MTOR: variants seen among roughly 807,000 people sequenced by gnomAD.
MTOR encodes mechanistic target of rapamycin kinase, also known as serine/threonine-protein kinase mTOR.
In MTOR, 70 loss-of-function variants were observed where a neutral mutation model predicts 319.8. The ratio of observed to expected loss-of-function variants is 0.22; its 90% CI spans 0.18 to 0.27. MTOR has a LOEUF of 0.27. MTOR is among the 10% of genes least tolerant of loss of function. The probability of loss-of-function intolerance (pLI) is 1.00; values close to 1 mark genes in which losing one functional copy is unlikely to be tolerated. For synonymous variants in MTOR, 1,183 were observed against 1,211.4 expected (o/e 0.98, Z 0.49); for missense variants, 1,890 against 3,274.4 (o/e 0.58, Z 10.32).
intron 32 of MTOR, among the ~76,000 whole-genome samples, chr1:11,145,530 G>A (rs1272638863): frequency 1.3e-5 from 2 of 151,708 alleles, no homozygotes; most frequent in Non-Finnish European, 2.9e-5. Flanking sequence ...GGTTACAGGC[G>A]CCCGCCACCA....
At chr1:11,134,864 T>G (rs1643329587) in intron 36 of MTOR, among the ~76,000 whole-genome samples, 1 of 152,224 alleles carries the variant, frequency 6.6e-6, no homozygotes, top group South Asian at 2.1e-4. Context: ...ACTTTGGTAT[T>G]TGTTTACAAC....
intron 47 of MTOR, among the ~76,000 whole-genome samples, chr1:11,122,957 C>T (rs1311554076): frequency 6.6e-6 from 1 of 152,194 alleles, no homozygotes; most frequent in Non-Finnish European, 1.5e-5. Flanking sequence ...GCCCAAGAAA[C>T]TCATGGCTTT....
chr1:11,164,928 T>C (rs529212146), intron 29 of MTOR, among the ~76,000 whole-genome samples: 2 of 152,338 alleles, frequency 1.3e-5, no homozygotes, highest in South Asian at 2.1e-4. Context: ...ATCCCTGGGA[T>C]GCAAGGCTGG....
intron 10 of MTOR, 152 bp from the exon 11 acceptor site, chr1:11,240,699 C>T: frequency 2.8e-6 from 3 of 1,078,236 alleles, no homozygotes; most frequent in Non-Finnish European, 2.5e-6. Flanking sequence ...AGTGTAAACT[C>T]TCTTGGCTTA....
chr1:11,201,886 A>T (rs1645980839), intron 26 of MTOR, among the ~76,000 whole-genome samples: 1 of 152,192 alleles, frequency 6.6e-6, no homozygotes, highest in South Asian at 2.1e-4. Flanking sequence ...GGCTCTCTGC[A>T]GCCTCTAAAC....
intron 19 of MTOR, among the ~76,000 whole-genome samples, chr1:11,227,323 A>AT (rs1557448772): frequency 2.4e-4 from 36 of 148,462 alleles, no homozygotes; most frequent in African/African-American, 7.9e-4. Flanking sequence ...AAAAAAAAAA[A>AT]AAATTCAATT....
At chr1:11,124,228 C>A (rs957506132) in intron 47 of MTOR, among the ~76,000 whole-genome samples, 1 of 152,176 alleles carries the variant, frequency 6.6e-6, no homozygotes, top group African/African-American at 2.4e-5. Flanking sequence ...CCATGCCCAG[C>A]CTTTTTCTTC....
Position 11,109,836 on chromosome 1 carries a change from C to G in MTOR, c.7367-107G>C. 1.1e-6 allele frequency: 1 copy of G among 942,702 alleles called. No homozygotes were observed. The highest frequency in any genetic ancestry group is 2.4e-5 in the East Asian group (1 of 41,220). The allele number at this position is 942,702 out of a possible 1,614,324, so 58.4% of individuals were successfully genotyped here. ...TCTATTCCTTTAACGCCTGCCCTACCTACCCTAAAGGGGAAAAGAGAAGGA... is the reference window on the plus strand; with the variant it reads ...TCTATTCCTTTAACGCCTGCCCTACGTACCCTAAAGGGGAAAAGAGAAGGA... On this transcript the variant is annotated intron_variant, in intron 54 of 57. Transcript: ENST00000361445. This position sits in a 1 kb window ranked among gnomAD's most constrained non-coding sequence, Gnocchi z 4.0.
At chr1:11,155,053 T>C (rs1255567455) in intron 30 of MTOR, among the ~76,000 whole-genome samples, 1 of 152,116 alleles carries the variant, frequency 6.6e-6, no homozygotes, top group East Asian at 1.9e-4. Context: ...GAGGCTAAGG[T>C]AGTACAGAAA....
rs771078043 is a variant in MTOR, at chr1:11,189,787, C to G, written c.4253+9471G>C. 3.1e-6 allele frequency: 5 copies of G among 1,614,192 alleles called. No individual in the cohort carries two copies. The South Asian group carries it at 5.5e-5, about 18-fold the overall frequency. Reference sequence around the variant, plus strand: ...CCTGCTGAGTGAACTGAACAAGAAGCAGGAGAGGGACTGGGTCAGCGTGGT... The same window carrying G: ...CCTGCTGAGTGAACTGAACAAGAAGGAGGAGAGGGACTGGGTCAGCGTGGT... On this transcript the variant is annotated intron_variant, in intron 28 of 57. Coordinates refer to ENST00000361445, the MANE Select transcript of MTOR (RefSeq NM_004958.4).
intron 36 of MTOR, among the ~76,000 whole-genome samples, chr1:11,136,498 T>A (rs1204161433): frequency 1.8e-4 from 27 of 152,176 alleles, no homozygotes. Flanking sequence ...TTTTTTAACT[T>A]AAATTTTTAT....
At chr1:11,162,541 T>C (rs1163397469) in intron 29 of MTOR, among the ~76,000 whole-genome samples, 2 of 152,158 alleles carry the variant, frequency 1.3e-5, no homozygotes, top group South Asian at 2.1e-4. Context: ...AGAGAAAGGT[T>C]GGGTTACCCA....
chr1:11,248,216 G>T, intron 6 of MTOR, 122 bp from the exon 7 acceptor site: 1 of 1,014,282 alleles, frequency 9.9e-7, no homozygotes. Flanking sequence ...CCAAAGTGAA[G>T]GGTGGCCACT....
intron 18 of MTOR, among the ~76,000 whole-genome samples, chr1:11,229,151 A>C (rs1646939107): frequency 6.6e-6 from 1 of 152,212 alleles, no homozygotes; most frequent in Admixed American, 6.5e-5. Context: ...CAAAAGCCTA[A>C]AACAGTACAT....
chr1:11,217,373 A>G (rs1339823418), intron 19 of MTOR, among the ~76,000 whole-genome samples: 1 of 151,918 alleles, frequency 6.6e-6, no homozygotes, highest in African/African-American at 2.4e-5. Flanking sequence ...AGTAGCAAAT[A>G]ATATTTGACA....
chr1:11,194,560 G>T (rs758868900), intron 28 of MTOR: 2 of 1,614,204 alleles, frequency 1.2e-6, no homozygotes, highest in South Asian at 2.2e-5. Context: ...CACTGGCAAT[G>T]TGGGGAACGA....
chr1:11,255,096 C>T (rs1262064324), intron 5 of MTOR, among the ~76,000 whole-genome samples: 3 of 152,030 alleles, frequency 2.0e-5, no homozygotes, highest in Non-Finnish European at 4.4e-5. Flanking sequence ...GAAGAAGGTA[C>T]AAAGTTGGCC....
chr1:11,236,250 C>G (rs1445804856), intron 13 of MTOR, among the ~76,000 whole-genome samples: 2 of 151,332 alleles, frequency 1.3e-5, no homozygotes, highest in African/African-American at 2.4e-5. Flanking sequence ...GATCCTCCCA[C>G]CTCAGCCTCC....
chr1:11,261,798 G>T (rs559998656), intron 1 of MTOR, among the ~76,000 whole-genome samples: 48 of 152,234 alleles, frequency 3.2e-4, no homozygotes, highest in Non-Finnish European at 5.1e-4. Context: ...CGTCCGAAAG[G>T]GGGGAAGGTG....
Sources: gnomAD v4.1 joint callset for allele counts (sites outside exome capture counted in the v4.1 genomes callset) on GRCh38, gnomAD v4.1.1 for gene constraint, Gnocchi (gnomAD v3.1) non-coding constraint, MANE v1.5 for transcripts, NCBI Gene and HGNC (gene_info 2026-07-23, HGNC 2026-07-21) for gene names.